The following PROZ variants were observed in gnomAD, a reference collection of about 807,000 sequenced individuals.
PROZ encodes the protein vitamin K-dependent protein Z.
In PROZ, 46 loss-of-function variants were observed where a neutral mutation model predicts 34.9. That is an observed-to-expected ratio of 1.32 (90% CI 1.04 to 1.69). PROZ has a LOEUF of 1.69. PROZ is among the 40% of genes most tolerant of loss of function. The pLI, the probability that PROZ is intolerant of heterozygous loss-of-function variation, is 0.00. For missense variants in PROZ, 530 were observed against 520.4 expected (o/e 1.02, Z -0.18); for synonymous variants, 195 against 208.5 (o/e 0.94, Z 0.56).
At chr13:113,163,628 G>A (rs576604801) in intron 4 of PROZ, among the ~76,000 whole-genome samples, 29 of 152,250 alleles carry the variant, frequency 1.9e-4, no homozygotes, top group Admixed American at 1.5e-3. Context: ...CCTCCCAGCC[G>A]AGCCCTCTCC....
At position 113,171,913 on chromosome 13, in the gene PROZ, C is replaced by G. The variant is rs139164186; in HGVS notation, c.1011C>G (p.Thr337=). 331 of 1,613,660 alleles carry G rather than the reference C, an allele frequency of 2.1e-4. No individual in the cohort carries two copies. Among genetic ancestry groups the G allele is most frequent in the Non-Finnish European group, 2.7e-4 (319 of 1,180,058 alleles). Reference sequence around the variant, plus strand: ...AGGTCCTGAATGTGACTGTCACCACCAGGACCTACTGTGAGAGAAGCAGCG... The same window carrying G: ...AGGTCCTGAATGTGACTGTCACCACGAGGACCTACTGTGAGAGAAGCAGCG... ...CGQVLNVTVT[T]RTYCERSSVA... The change falls in exon 8 of 8, where the codon ACC becomes ACG. Residue 337 remains threonine, a synonymous_variant. Transcript: ENST00000375547. This position sits in a 1 kb window ranked among gnomAD's most constrained non-coding sequence, Gnocchi z 5.1.
chr13:113,169,817 C>A (rs117418482), intron 6 of PROZ, among the ~76,000 whole-genome samples: 1 of 152,380 alleles, frequency 6.6e-6, no homozygotes, highest in East Asian at 1.9e-4. Flanking sequence ...CATAATTAGT[C>A]TCCATGTACA....
intron 6 of PROZ, among the ~76,000 whole-genome samples, chr13:113,169,896 C>G (rs1261774342): frequency 1.3e-5 from 2 of 152,258 alleles, no homozygotes; most frequent in East Asian, 3.8e-4. Flanking sequence ...CTACCAAGCT[C>G]TCTCCTCTGC....
chr13:113,164,491 C>T lies in PROZ; in HGVS notation c.374-22C>T, dbSNP rs775447890. ...ATGACTATTTCCAAGCTAGCATTTCCTTTTTTTTTTTTCCTTTTCAGCTAA... is the reference window on the plus strand; with the variant it reads ...ATGACTATTTCCAAGCTAGCATTTCTTTTTTTTTTTTTCCTTTTCAGCTAA... On this transcript the variant is annotated intron_variant, in intron 4 of 7. Transcript: ENST00000375547. 1.2e-5 allele frequency: 17 copies of T among 1,463,884 alleles called. No homozygotes were observed. In the South Asian group the frequency reaches 1.6e-4, roughly 14 times the overall value. The allele number at this position is 1,463,884 out of a possible 1,614,324, so 90.7% of individuals were successfully genotyped here. A position where few individuals can be genotyped will look rare whatever the true frequency, so the allele number is the denominator to read the frequency against.
rs565720333 is a variant in PROZ, at chr13:113,171,164, C to T, written c.692-430C>T. Among the ~76,000 whole-genome samples the T allele has an allele frequency of 2.6e-5, 4 of 152,260 alleles. No individual in the cohort carries two copies. Among genetic ancestry groups the T allele is most frequent in the South Asian group, 2.1e-4 (1 of 4,828 alleles). ...GTCTTTACTCCTGGCCTTAAGTGAT[C>T]GACCTGCCTCGGCCTCCCGAAGCGC... On this transcript the variant is annotated intron_variant, in intron 7 of 7. Transcript: ENST00000375547. The surrounding 1 kb of genome is among the most constrained non-coding windows in gnomAD (Gnocchi z 5.1).
intron 6 of PROZ, among the ~76,000 whole-genome samples, chr13:113,168,702 G>A (rs575472724): frequency 6.6e-5 from 10 of 152,180 alleles, no homozygotes; most frequent in Admixed American, 2.6e-4. Context: ...GGCTAATATC[G>A]CTTGTCAAAT....
chr13:113,160,702 C>G (rs2036744702), intron 2 of PROZ, among the ~76,000 whole-genome samples: 1 of 152,144 alleles, frequency 6.6e-6, no homozygotes, highest in South Asian at 2.1e-4. Flanking sequence ...GTCATAGACT[C>G]TGGCCTTCCT....
At chr13:113,160,274 G>GC (rs35691399) in intron 2 of PROZ, 97 bp downstream of exon 2, 259,195 of 1,419,152 alleles carry the variant, frequency 0.18, 27,853 homozygotes, top group South Asian at 0.4. Context: ...TAATTAATTA[G>GC]CCTATTTACT....
rs532065514 is a variant in PROZ at position 113,164,547 on chromosome 13, G to T, written c.408G>T (p.Gly136=). 5 of 1,613,832 alleles carry T rather than the reference G, an allele frequency of 3.1e-6. No homozygotes were observed. In the East Asian group the frequency reaches 6.7e-5, roughly 22 times the overall value. The part of the protein sequence containing the change: ...KNECHPERTD[G]CQHFCLPGQE... ...AATGTCACCCAGAGCGGACTGATGG[G>T]TGTCAACACTTCTGCCTCCCAGGAC... Residue 136 remains glycine, a synonymous_variant, in exon 5 of 8, where the codon GGG becomes GGT. Transcript: ENST00000375547.
chr13:113,165,236 C>A lies in PROZ; in HGVS notation c.573+116C>A, dbSNP rs1319333129. The A allele has an allele frequency of 6.5e-6, 7 of 1,073,508 alleles. No individual in the cohort carries two copies. The African/African-American group carries it at 9.4e-5, about 14-fold the overall frequency. The allele number at this position is 1,073,508 out of a possible 1,614,324, so 66.5% of individuals were successfully genotyped here. On this transcript the variant is annotated intron_variant, in intron 6 of 7. Coordinates refer to ENST00000375547, the MANE Select transcript of PROZ (RefSeq NM_003891.3). ...AATCAGGCATCCTGACTTTGATGGG[C>A]TACTGACTGCACTGACCAACCTCTA...
At position 113,160,963 on chromosome 13, in the gene PROZ, C is replaced by T. The variant is rs762972727; in HGVS notation, c.250C>T (p.Arg84Ter). The T allele has an allele frequency of 2.2e-5, 35 of 1,605,352 alleles. No homozygotes were observed. The highest frequency in any genetic ancestry group is 1.8e-4 in the Middle Eastern group (1 of 5,514). Residue 84 changes from arginine (R) to a stop codon, truncating the protein, a stop_gained, in exon 3 of 8, where the codon CGA becomes TGA. Transcript: ENST00000375547. LOFTEE classifies it high-confidence loss of function. ...AACTCTAAAGGATGAATTCTGGAGA[C>T]GATATAAGGGTAAGTGGTTTCCTTC... is the stretch of plus-strand genomic sequence containing the variant. Reference protein sequence around the residue: ...NEVVTDEFWRRYKGGSPCISQ... With the variant: ...NEVVTDEFWR
chr13:113,167,949 G>A (rs778783646), intron 6 of PROZ, among the ~76,000 whole-genome samples: 2 of 151,876 alleles, frequency 1.3e-5, no homozygotes, highest in African/African-American at 2.4e-5. Context: ...CTTTGTTGGC[G>A]GTTGCTTCAC....
At chr13:113,164,787 G>A (rs572177703) in intron 5 of PROZ, 143 bp downstream of exon 5, 15 of 1,353,040 alleles carry the variant, frequency 1.1e-5, no homozygotes, top group East Asian at 5.0e-5. Flanking sequence ...GCGTCTCCAC[G>A]CTGGAGCAAT....
chr13:113,158,983 G>A lies in PROZ; in HGVS notation c.70+253G>A, dbSNP rs527320421. Among the ~76,000 whole-genome samples, 60 of 150,880 alleles carry A rather than the reference G, an allele frequency of 4.0e-4. No individual in the cohort carries two copies. Among genetic ancestry groups the A allele is most frequent in the African/African-American group, 1.4e-3 (58 of 41,024 alleles). On this transcript the variant is annotated intron_variant, in intron 1 of 7. Transcript: ENST00000375547. The surrounding 1 kb of genome is among the most constrained non-coding windows in gnomAD (Gnocchi z 4.3). ...AAGCCTGTGTGCAGGGGATTCAGCC[G>A]GGAAAGGCCGGGGAGAGGGGAGGGG...
intron 3 of PROZ, 62 bp from the exon 4 acceptor site, chr13:113,162,947 C>A: frequency 1.9e-6 from 2 of 1,056,602 alleles, no homozygotes; most frequent in South Asian, 1.4e-5. Context: ...CACCCCCACC[C>A]TCCTCCTGCT....
At chr13:113,170,189 GC>G (rs916589776) in intron 6 of PROZ, among the ~76,000 whole-genome samples, 2 of 151,844 alleles carry the variant, frequency 1.3e-5, no homozygotes, top group African/African-American at 4.8e-5. Context: ...GGAAGTGCCG[GC>G]CCCATTTAAT....
rs777567902 is a variant in PROZ, at chr13:113,163,159, C to G, written c.373+37C>G. 3 of 1,490,826 alleles carry G rather than the reference C, an allele frequency of 2.0e-6. No homozygotes were observed. The South Asian group carries it at 3.6e-5, about 18-fold the overall frequency. The allele number at this position is 1,490,826 out of a possible 1,614,324, so 92.3% of individuals were successfully genotyped here. A position where few individuals can be genotyped will look rare whatever the true frequency, so the allele number is the denominator to read the frequency against. On this transcript the variant is annotated intron_variant, in intron 4 of 7. Coordinates refer to ENST00000375547, the MANE Select transcript of PROZ (RefSeq NM_003891.3). Reference sequence around the variant, plus strand: ...GCCGTCCCCTTCCCCCAAGGGCCTCCCTGGGCAGGTGGGCCTCACATCCTC... The same window carrying G: ...GCCGTCCCCTTCCCCCAAGGGCCTCGCTGGGCAGGTGGGCCTCACATCCTC...
At chr13:113,166,360 G>C (rs983664512) in intron 6 of PROZ, 1 of 152,136 alleles carries the variant, frequency 6.6e-6, no homozygotes, top group Non-Finnish European at 1.5e-5. Context: ...TGCAGCCCTC[G>C]TGTCCACAAT....
At chr13:113,160,874 C>T (rs1016362511) in intron 2 of PROZ, 74 bp from the exon 3 acceptor site, 2 of 1,311,284 alleles carry the variant, frequency 1.5e-6, no homozygotes, top group Admixed American at 3.4e-5. Context: ...TTCTTACCTT[C>T]AAGTTCATCT....
Sources: gnomAD v4.1 joint callset for allele counts (sites outside exome capture counted in the v4.1 genomes callset) on GRCh38, gnomAD v4.1.1 for gene constraint, Gnocchi (gnomAD v3.1) non-coding constraint, MANE v1.5 for transcripts, NCBI Gene and HGNC (gene_info 2026-07-23, HGNC 2026-07-21) for gene names.